UBE2E3: variants seen among roughly 807,000 people sequenced by gnomAD.
UBE2E3 encodes the protein ubiquitin conjugating enzyme E2 E3.
In UBE2E3, 5 loss-of-function variants were observed where a neutral mutation model predicts 23.6. The ratio of observed to expected loss-of-function variants is 0.21; its 90% CI spans 0.11 to 0.44. The LOEUF (loss-of-function observed/expected upper bound fraction) is 0.44, where lower values mean the gene tolerates loss of function less well. UBE2E3 is among the 20% of genes least tolerant of loss of function. UBE2E3 has a pLI of 0.99. For missense variants in UBE2E3, 81 were observed against 249.8 expected, an observed-to-expected ratio of 0.32 and a Z score of 4.55; for synonymous variants, 78 against 87.5, an observed-to-expected ratio of 0.89 and a Z score of 0.60.
chr2:181,035,166 T>A (rs996439463), intron 3 of UBE2E3, among the ~76,000 whole-genome samples: 2 of 152,186 alleles, frequency 1.3e-5, no homozygotes, highest in Non-Finnish European at 2.9e-5. Context: ...AATATTTATA[T>A]GCATTCTATA....
chr2:181,004,778 A>G (rs1415083243), intron 3 of UBE2E3, among the ~76,000 whole-genome samples: 1 of 152,250 alleles, frequency 6.6e-6, no homozygotes, highest in African/African-American at 2.4e-5. Flanking sequence ...ATAGCCTCCT[A>G]TATTGTGAAA....
chr2:181,026,399 C>T (rs1401132), intron 3 of UBE2E3, among the ~76,000 whole-genome samples: 35,172 of 151,216 alleles, frequency 0.23, 4,454 homozygotes, highest in Non-Finnish European at 0.28. Flanking sequence ...TAACTGCAGT[C>T]TCTCATAGAC....
chr2:181,013,570 A>C (rs1007945678), intron 3 of UBE2E3, among the ~76,000 whole-genome samples: 1 of 151,402 alleles, frequency 6.6e-6, no homozygotes, highest in Non-Finnish European at 1.5e-5. Flanking sequence ...CCTCTAGAGT[A>C]AGTGACCTGA....
chr2:180,984,345 ATT>A (rs1684390514), intron 3 of UBE2E3, among the ~76,000 whole-genome samples: 1 of 152,148 alleles, frequency 6.6e-6, no homozygotes, highest in Admixed American at 6.5e-5. Context: ...AATGGTGCTG[ATT>A]TTTGTTCTGA....
rs1220953751 is a variant in UBE2E3 at position 181,023,113 on chromosome 2, C to G, written c.246-34580C>G. ...GACATGAGTAAGTTGTGAGGAGTTC[C>G]TTGACTTACAGTGGGGCCGCGCCCC... On this transcript the variant is annotated intron_variant, in intron 3 of 5. Coordinates refer to ENST00000410062, the MANE Select transcript of UBE2E3 (RefSeq NM_006357.4). Among the ~76,000 whole-genome samples the G allele has an allele frequency of 3.3e-5, 5 of 152,336 alleles. No individual in the cohort carries two copies. The East Asian group carries it at 9.7e-4, about 29-fold the overall frequency.
chr2:181,010,677 T>C (rs1305630137), intron 3 of UBE2E3, among the ~76,000 whole-genome samples: 5 of 152,178 alleles, frequency 3.3e-5, no homozygotes, highest in Admixed American at 3.3e-4. Flanking sequence ...AAACAGTGTT[T>C]TCTGGTGGGA....
chr2:181,018,196 T>C (rs1559122911), intron 3 of UBE2E3, among the ~76,000 whole-genome samples: 1 of 152,148 alleles, frequency 6.6e-6, no homozygotes, highest in African/African-American at 2.4e-5. Flanking sequence ...AAAACAGTTA[T>C]ACTCTAGTAG....
Position 181,057,824 on chromosome 2 carries a change from A to G in UBE2E3, c.377A>G (p.Lys126Arg), listed in dbSNP as rs772049549. Residue 126 changes from lysine (K) to arginine (R), a missense_variant and splice_region_variant, in exon 4 of 6, where the codon AAG becomes AGG. Lys to Arg is a conservative substitution (Grantham distance 26). Transcript: ENST00000410062. ...FSSDYPFKPP[K>R]VTFRTRIYHC... ...TCAGATTATCCATTTAAGCCACCAAAGGTAAGAAGCTTGAAGTGCATTCTT... is the reference window on the plus strand; with the variant it reads ...TCAGATTATCCATTTAAGCCACCAAGGGTAAGAAGCTTGAAGTGCATTCTT... 1.2e-6 allele frequency: 2 copies of G among 1,610,856 alleles called. No individual in the cohort carries two copies. Among genetic ancestry groups the G allele is most frequent in the Non-Finnish European group, 8.5e-7 (1 of 1,178,080 alleles).
chr2:181,041,172 C>T (rs544748706), intron 3 of UBE2E3, among the ~76,000 whole-genome samples: 2 of 132,164 alleles, frequency 1.5e-5, no homozygotes, highest in South Asian at 2.6e-4. Context: ...TGCTTGAACC[C>T]GGGAGGCAGA....
At chr2:181,026,409 C>T (rs16867379) in intron 3 of UBE2E3, among the ~76,000 whole-genome samples, 5,705 of 151,466 alleles carry the variant, frequency 0.038, 308 homozygotes, top group East Asian at 0.19. Flanking sequence ...CTCTCATAGA[C>T]CATTTTGATT....
chr2:181,039,694 A>G (rs186769025), intron 3 of UBE2E3, among the ~76,000 whole-genome samples: 128 of 152,154 alleles, frequency 8.4e-4, no homozygotes, highest in African/African-American at 3.1e-3. Flanking sequence ...TCATCTCAAT[A>G]ATTTTATAAT....
rs184619124 is a variant in UBE2E3, at chr2:181,034,287, T to C, written c.246-23406T>C. Reference sequence around the variant, plus strand: ...GACTTGGAACCAACCCAAATGTCCATCAATGATAGACTGGATTAAGAAAAT... The same window carrying C: ...GACTTGGAACCAACCCAAATGTCCACCAATGATAGACTGGATTAAGAAAAT... On this transcript the variant is annotated intron_variant, in intron 3 of 5. Coordinates refer to ENST00000410062, the MANE Select transcript of UBE2E3 (RefSeq NM_006357.4). Among the ~76,000 whole-genome samples the C allele has an allele frequency of 8.1e-3, 1,240 of 152,320 alleles. 9 individuals carry two copies. Among genetic ancestry groups the C allele is most frequent in the Admixed American group, 0.013 (204 of 15,304 alleles).
intron 3 of UBE2E3, among the ~76,000 whole-genome samples, chr2:181,040,849 A>G (rs1686468304): frequency 1.3e-5 from 2 of 152,172 alleles, no homozygotes; most frequent in Admixed American, 1.3e-4. Context: ...TAGACTGTGC[A>G]GTAAATGAGC....
At chr2:181,004,459 C>G (rs1685085086) in intron 3 of UBE2E3, among the ~76,000 whole-genome samples, 1 of 151,948 alleles carries the variant, frequency 6.6e-6, no homozygotes, top group Non-Finnish European at 1.5e-5. Context: ...ATGGTGAAAC[C>G]CCGTCTCTAC....
chr2:180,996,784 G>A (rs1684832838), intron 3 of UBE2E3, among the ~76,000 whole-genome samples: 1 of 152,126 alleles, frequency 6.6e-6, no homozygotes, highest in Non-Finnish European at 1.5e-5. Flanking sequence ...ATAATAATTT[G>A]TAATAGTTGT....
At position 180,987,382 on chromosome 2, in the gene UBE2E3, A is replaced by G. The variant is rs1031313279; in HGVS notation, c.245+3289A>G. The stretch of plus-strand genomic sequence containing the variant: ...CTAGTCACCACTTGTGCAAACAGCG[A>G]AAGTTTAGAAAGGTACTGGATTTCT... On this transcript the variant is annotated intron_variant, in intron 3 of 5. Transcript: ENST00000410062. 5.8e-6 allele frequency: 9 copies of G among 1,549,880 alleles called. No homozygotes were observed. The Admixed American group carries it at 1.2e-4, about 20-fold the overall frequency.
intron 3 of UBE2E3, among the ~76,000 whole-genome samples, chr2:181,029,058 A>T (rs1027972972): frequency 6.6e-6 from 1 of 152,086 alleles, no homozygotes; most frequent in African/African-American, 2.4e-5. Context: ...CTCCATATGG[A>T]TAACTATTTG....
At chr2:181,050,895 C>T (rs1574221165) in intron 3 of UBE2E3, among the ~76,000 whole-genome samples, 1 of 151,848 alleles carries the variant, frequency 6.6e-6, no homozygotes, top group African/African-American at 2.4e-5. Context: ...TTTGAAACTT[C>T]CTTCTTTCTT....
intron 3 of UBE2E3, among the ~76,000 whole-genome samples, chr2:181,001,666 A>G (rs956424466): frequency 6.6e-6 from 1 of 152,218 alleles, no homozygotes; most frequent in Non-Finnish European, 1.5e-5. Flanking sequence ...TGTAAAGGCC[A>G]TAGGAAATCT....
Sources: allele counts gnomAD v4.1 joint callset (sites outside exome capture counted in the v4.1 genomes callset), GRCh38; gene constraint gnomAD v4.1.1; transcripts MANE v1.5; gene names NCBI Gene and HGNC (gene_info 2026-07-23, HGNC 2026-07-21).